Variants in FGR observed in about 807,000 individuals in gnomAD.
The protein encoded by FGR is tyrosine-protein kinase Fgr.
Under a neutral mutation model 63.2 loss-of-function variants are expected in FGR, and 26 were observed. The observed-to-expected ratio is 0.41, with a 90% CI of 0.30 to 0.57. The LOEUF (loss-of-function observed/expected upper bound fraction) is 0.57. FGR is among the 20% of genes least tolerant of loss of function. The pLI is 0.27. For missense variants in FGR, 511 were observed against 690.8 expected, an observed-to-expected ratio of 0.74 and a Z score of 2.92; for synonymous variants, 286 against 277.7, an observed-to-expected ratio of 1.03 and a Z score of -0.30.
chr1:27,621,028 GAAAGA>G (rs1234927269), intron 5 of FGR, among the ~76,000 whole-genome samples: 1 of 98,108 alleles, frequency 1.0e-5, no homozygotes, highest in South Asian at 3.3e-4. Context: ...AAGAAAGAAA[GAAAGA>G]AAAGAAAAGA....
chr1:27,632,140 C>CTTTT (rs71739634), intron 1 of FGR, among the ~76,000 whole-genome samples: 6 of 140,060 alleles, frequency 4.3e-5, no homozygotes, highest in African/African-American at 1.3e-4. Flanking sequence ...TCTTCTTCTT[C>CTTTT]TTTTTTTTTT....
At position 27,613,120 on chromosome 1, in the gene FGR, T is replaced by G; in HGVS notation, c.1384A>C (p.Met462Leu). Residue 462 changes from methionine to leucine, a missense_variant and splice_region_variant, in exon 13 of 13, where the codon ATG becomes CTG. Physicochemically the swap from Met to Leu is conservative, Grantham distance 15 (BLOSUM62 2). Coordinates refer to ENST00000374005, the MANE Select transcript of FGR (RefSeq NM_005248.3). Reference protein sequence around the residue: ...ITKGRIPYPGMNKREVLEQVE... With the variant: ...ITKGRIPYPGLNKREVLEQVE... ...TGTTCCAACACTTCCCGTTTATTCA[T>G]GCCTGAAGGATGGGTCTCTGTCAGT... 1 of 1,613,926 alleles carries G rather than the reference T, an allele frequency of 6.2e-7. No homozygotes were observed. The highest frequency in any genetic ancestry group is 8.5e-7 in the Non-Finnish European group (1 of 1,179,820).
At chr1:27,622,410 C>T (rs1036102790) in intron 4 of FGR, among the ~76,000 whole-genome samples, 3 of 152,000 alleles carry the variant, frequency 2.0e-5, no homozygotes, top group Non-Finnish European at 4.4e-5. Flanking sequence ...TTTGTGGTTT[C>T]CAGAAGTCAT....
chr1:27,614,509 A>C lies in FGR; in HGVS notation c.1170T>G (p.Val390=), dbSNP rs1391433545. 2 of 1,614,010 alleles carry C rather than the reference A, an allele frequency of 1.2e-6. No homozygotes were observed. The change falls in exon 11 of 13, where the codon GTT becomes GTG. Residue 390 remains valine, a synonymous_variant. Transcript: ENST00000374005. ...CGATCTTGCACGCCAGCCGCTCCCC[A>C]ACCAGGATGTTGGCTGCCCTCAGGT... is the stretch of plus-strand genomic sequence containing the variant. The part of the protein sequence containing the change: ...HRDLRAANIL[V]GERLACKIAD...
At position 27,614,855 on chromosome 1, in the gene FGR, C is replaced by T; in HGVS notation, c.1090G>A (p.Ala364Thr). The T allele has an allele frequency of 1.3e-6, 2 of 1,589,206 alleles. No individual in the cohort carries two copies. ...LRLPQLVDMAAQVAEGMAYME... is the reference protein window; with the variant it reads ...LRLPQLVDMATQVAEGMAYME... ...AAGGCTGCTGGCCCAGTTACCTGGG[C>T]TGCCATGTCCACCAATTGGGGCAGC... The change falls in exon 10 of 13, where the codon GCC (alanine) becomes ACC (threonine). Residue 364 changes from alanine (A) to threonine (T), a missense_variant. Physicochemically the swap from Ala to Thr is moderately conservative, Grantham distance 58 (BLOSUM62 0). Transcript: ENST00000374005.
intron 1 of FGR, among the ~76,000 whole-genome samples, chr1:27,633,976 A>G (rs990531122): frequency 1.3e-5 from 2 of 152,208 alleles, no homozygotes; most frequent in Non-Finnish European, 2.9e-5. Flanking sequence ...CCACAGTCAC[A>G]CAGCAATTAA....
At chr1:27,614,677 T>A in intron 10 of FGR, 94 bp from the exon 11 acceptor site, 1 of 1,472,384 alleles carries the variant, frequency 6.8e-7, no homozygotes, top group Non-Finnish European at 9.3e-7. Flanking sequence ...AAAACCCACT[T>A]TCCAGAGGGG....
intron 2 of FGR, among the ~76,000 whole-genome samples, chr1:27,624,438 A>C (rs549805814): frequency 2.2e-4 from 34 of 152,150 alleles, no homozygotes; most frequent in Non-Finnish European, 3.5e-4. Context: ...AGGTCTTGCT[A>C]TATTGCTCAG....
At position 27,625,797 on chromosome 1, in the gene FGR, G is replaced by C. The variant is rs1205739156; in HGVS notation, c.-76-646C>G. Reference sequence around the variant, plus strand: ...CTACTAAAAATACAAAAATTAGCCAGACGTGGAGGTGGGCGCCTGTAGTCC... The same window carrying C: ...CTACTAAAAATACAAAAATTAGCCACACGTGGAGGTGGGCGCCTGTAGTCC... On this transcript the variant is annotated intron_variant, in intron 1 of 12. Coordinates refer to ENST00000374005, the MANE Select transcript of FGR (RefSeq NM_005248.3). Among the ~76,000 whole-genome samples the C allele has an allele frequency of 2.6e-5, 4 of 152,282 alleles. No homozygotes were observed. In the East Asian group the frequency reaches 7.7e-4, roughly 29 times the overall value.
At chr1:27,627,372 C>A (rs1313696960) in intron 1 of FGR, among the ~76,000 whole-genome samples, 1 of 151,742 alleles carries the variant, frequency 6.6e-6, no homozygotes, top group Non-Finnish European at 1.5e-5. Flanking sequence ...GCACAAACAT[C>A]TTCTAGTGTA....
chr1:27,614,701 A>G, intron 10 of FGR, 118 bp from the exon 11 acceptor site: 1 of 1,382,608 alleles, frequency 7.2e-7, no homozygotes, highest in Non-Finnish European at 1.0e-6. Context: ...ACTGAGGCCC[A>G]GAAAGAGAGG....
intron 1 of FGR, among the ~76,000 whole-genome samples, chr1:27,633,552 G>A (rs1372924800): frequency 6.6e-6 from 1 of 152,168 alleles, no homozygotes; most frequent in Non-Finnish European, 1.5e-5. Flanking sequence ...GGGCAGTCTG[G>A]TCCCCCTCCA....
intron 5 of FGR, among the ~76,000 whole-genome samples, chr1:27,618,606 G>A (rs1325252306): frequency 1.3e-5 from 2 of 151,982 alleles, no homozygotes; most frequent in African/African-American, 2.4e-5. Context: ...ATAATTGTCC[G>A]TCCTCTTCTT....
Position 27,623,112 on chromosome 1 carries a change from C to A in FGR, c.259G>T (p.Asp87Tyr). 1 of 1,614,126 alleles carries A rather than the reference C, an allele frequency of 6.2e-7. No homozygotes were observed. The highest frequency in any genetic ancestry group is 1.1e-5 in the South Asian group (1 of 91,050). Residue 87 changes from aspartate to tyrosine, a missense_variant, in exon 4 of 13, where the codon GAC (aspartate) becomes TAC (tyrosine). Asp to Tyr is a radical substitution (Grantham distance 160). Coordinates refer to ENST00000374005, the MANE Select transcript of FGR (RefSeq NM_005248.3). Reference sequence around the variant, plus strand: ...TCATCCTCAGTTCGAGCCTCATAGTCATACAGGGCAATGAACAGGGTCACC... The same window carrying A: ...TCATCCTCAGTTCGAGCCTCATAGTAATACAGGGCAATGAACAGGGTCACC... The part of the protein sequence containing the change: ...IGVTLFIALY[D>Y]YEARTEDDLT...
chr1:27,613,941 T>A (rs1256133563), intron 11 of FGR, among the ~76,000 whole-genome samples: 1 of 152,166 alleles, frequency 6.6e-6, no homozygotes, highest in Non-Finnish European at 1.5e-5. Flanking sequence ...GTGATATGCA[T>A]GCATTAACTC....
rs1347321587 is a variant in FGR at position 27,617,028 on chromosome 1, A to AT, written c.533-23dup. The AT allele has an allele frequency of 6.2e-7, 1 of 1,613,602 alleles. No individual in the cohort carries two copies. Among genetic ancestry groups the AT allele is most frequent in the African/African-American group, 1.3e-5 (1 of 74,834 alleles). The stretch of plus-strand genomic sequence containing the variant: ...GCACCTGTGGAGAGGATCACTTTTG[A>AT]TCTGCTGTTCTCCTCTGCCCTAGTC... On this transcript the variant is annotated intron_variant, in intron 6 of 12. Transcript: ENST00000374005. The surrounding 1 kb of genome is among the most constrained non-coding windows in gnomAD (Gnocchi z 4.5).
chr1:27,625,659 G>A (rs760252097), intron 1 of FGR, among the ~76,000 whole-genome samples: 12 of 152,166 alleles, frequency 7.9e-5, no homozygotes, highest in African/African-American at 1.2e-4. Flanking sequence ...CAGTTCTTCC[G>A]GCCAGGCGCA....
intron 1 of FGR, among the ~76,000 whole-genome samples, chr1:27,627,718 C>T (rs538694264): frequency 4.6e-5 from 7 of 152,296 alleles, no homozygotes; most frequent in Admixed American, 4.6e-4. Flanking sequence ...AAGCCATTCT[C>T]TTGCCTCAGC....
chr1:27,627,617 A>G (rs1049986769), intron 1 of FGR, among the ~76,000 whole-genome samples: 1 of 152,038 alleles, frequency 6.6e-6, no homozygotes, highest in Non-Finnish European at 1.5e-5. Flanking sequence ...TTATTAATTT[A>G]TTTATTTTGA....
Sources: allele counts gnomAD v4.1 joint callset (sites outside exome capture counted in the v4.1 genomes callset), GRCh38; gene constraint gnomAD v4.1.1; non-coding constraint Gnocchi (gnomAD v3.1); transcripts MANE v1.5; gene names NCBI Gene and HGNC (gene_info 2026-07-23, HGNC 2026-07-21).